Variants in EPHA6 observed in about 807,000 individuals in gnomAD.
The protein encoded by EPHA6 is EPH receptor A6, also known as ephrin type-A receptor 6.
In EPHA6, 50 loss-of-function variants were observed where a neutral mutation model predicts 112.0. The observed-to-expected ratio is 0.45, with a 90% CI of 0.36 to 0.56. EPHA6 has a LOEUF of 0.56. Ranked by LOEUF, EPHA6 falls within the 20% of genes least tolerant of loss-of-function variation. EPHA6 has a pLI of 0.00. For missense variants in EPHA6, 1,280 were observed against 1,417.4 expected, an observed-to-expected ratio of 0.90 and a Z score of 1.56; for synonymous variants, 529 against 490.7, an observed-to-expected ratio of 1.08 and a Z score of -1.03.
intron 11 of EPHA6, among the ~76,000 whole-genome samples, chr3:97,542,086 GTTTTTTTGT>G (rs1297911900): frequency 7.7e-6 from 1 of 129,382 alleles, no homozygotes; most frequent in South Asian, 2.2e-4. Flanking sequence ...GTCGCTTCAT[GTTTTTTTGT>G]TTTTTTTTTT....
intron 3 of EPHA6, among the ~76,000 whole-genome samples, chr3:97,072,573 A>G (rs994608626): frequency 3.9e-5 from 6 of 152,134 alleles, no homozygotes; most frequent in Admixed American, 1.3e-4. Flanking sequence ...CTTACAGTAT[A>G]TGATGGTTTA....
intron 14 of EPHA6, among the ~76,000 whole-genome samples, chr3:97,673,111 G>T (rs1392292665): frequency 6.6e-6 from 1 of 152,130 alleles, no homozygotes; most frequent in Non-Finnish European, 1.5e-5. Flanking sequence ...TTTAAATGAA[G>T]AAACCTCTTT....
At chr3:97,042,454 C>T (rs2045350207) in intron 3 of EPHA6, among the ~76,000 whole-genome samples, 1 of 152,114 alleles carries the variant, frequency 6.6e-6, no homozygotes, top group African/African-American at 2.4e-5. Flanking sequence ...ATTACCCAGT[C>T]TCAGGTATTT....
intron 3 of EPHA6, among the ~76,000 whole-genome samples, chr3:97,040,492 A>AT (rs1309862721): frequency 6.6e-6 from 1 of 152,034 alleles, no homozygotes; most frequent in African/African-American, 2.4e-5. Context: ...GCCATTTTCA[A>AT]TTTATCATGG....
chr3:97,321,768 G>C (rs1222822581), intron 5 of EPHA6, among the ~76,000 whole-genome samples: 2 of 151,980 alleles, frequency 1.3e-5, no homozygotes, highest in African/African-American at 4.8e-5. Context: ...AAAATTGGAA[G>C]AAGAGTCAAC....
At chr3:97,370,038 C>T (rs1349804123) in intron 5 of EPHA6, among the ~76,000 whole-genome samples, 2 of 152,162 alleles carry the variant, frequency 1.3e-5, no homozygotes, top group Non-Finnish European at 2.9e-5. Flanking sequence ...TGTGATTGAT[C>T]TACCTCTGCC....
At chr3:96,981,601 T>G (rs1012443124) in intron 2 of EPHA6, among the ~76,000 whole-genome samples, 1 of 152,212 alleles carries the variant, frequency 6.6e-6, no homozygotes, top group Admixed American at 6.5e-5. Context: ...TCTTTTTCTA[T>G]TGATTGGAAT....
chr3:96,906,867 G>A (rs1021043866), intron 2 of EPHA6, among the ~76,000 whole-genome samples: 3 of 152,036 alleles, frequency 2.0e-5, no homozygotes, highest in Middle Eastern at 3.4e-3. Context: ...ATGAAGAGAG[G>A]ACAAAGGTTT....
At chr3:97,673,624 C>T (rs763073452) in intron 14 of EPHA6, among the ~76,000 whole-genome samples, 6 of 152,142 alleles carry the variant, frequency 3.9e-5, no homozygotes, top group Non-Finnish European at 7.4e-5. Context: ...TTGAGGACAG[C>T]GAACAAGCTT....
intron 5 of EPHA6, among the ~76,000 whole-genome samples, chr3:97,301,194 C>T (rs2108717377): frequency 6.6e-6 from 1 of 152,178 alleles, no homozygotes; most frequent in South Asian, 2.1e-4. Flanking sequence ...ATGAGAAATG[C>T]TAGGTAGGAA....
At chr3:97,586,727 T>TAGACAGAC (rs138628909) in intron 11 of EPHA6, among the ~76,000 whole-genome samples, 9,148 of 151,402 alleles carry the variant, frequency 0.06, 828 homozygotes, top group African/African-American at 0.2. Context: ...GATGGATGGA[T>TAGACAGAC]AGACAGACAG....
intron 5 of EPHA6, among the ~76,000 whole-genome samples, chr3:97,269,369 C>T (rs1050411931): frequency 3.3e-5 from 5 of 152,094 alleles, no homozygotes; most frequent in African/African-American, 1.2e-4. Context: ...CAAAGTGTCC[C>T]TCCCCTTCTC....
At chr3:96,902,756 T>G (rs2038687029) in intron 2 of EPHA6, among the ~76,000 whole-genome samples, 1 of 152,180 alleles carries the variant, frequency 6.6e-6, no homozygotes, top group Non-Finnish European at 1.5e-5. Context: ...CCCTTCCTTT[T>G]AATTTCCTAC....
chr3:97,568,237 T>C (rs2093292654), intron 11 of EPHA6, among the ~76,000 whole-genome samples: 1 of 152,206 alleles, frequency 6.6e-6, no homozygotes, highest in Non-Finnish European at 1.5e-5. Context: ...ATATGCTAAA[T>C]AAATTACATC....
rs202195626 is a variant in EPHA6, at chr3:97,539,103, C to T, written c.2386+6560C>T. 4.0e-3 allele frequency among the ~76,000 whole-genome samples: 334 copies of T among 83,738 alleles called. 2 individuals are homozygous for T. Among genetic ancestry groups the T allele is most frequent in the African/African-American group, 0.013 (238 of 18,076 alleles). The allele number at this position is 83,738 out of a possible 152,430, so 54.9% of individuals were successfully genotyped here. A position where few individuals can be genotyped will look rare whatever the true frequency, so the allele number is the denominator to read the frequency against. On this transcript the variant is annotated intron_variant, in intron 11 of 17. Coordinates refer to ENST00000389672, the MANE Select transcript of EPHA6 (RefSeq NM_001080448.3). ...TCCTTCCTTCCTTCCTTCCTTCCTT[C>T]CTTTCTTTCTTTCTTTCTTTCTTTT...
intron 3 of EPHA6, among the ~76,000 whole-genome samples, chr3:97,030,068 A>G (rs1402223039): frequency 6.6e-6 from 1 of 152,118 alleles, no homozygotes; most frequent in Non-Finnish European, 1.5e-5. Flanking sequence ...TGAGTAGGTT[A>G]TTCTAGTAGT....
chr3:97,551,435 C>T (rs1242714176), intron 11 of EPHA6, among the ~76,000 whole-genome samples: 1 of 152,138 alleles, frequency 6.6e-6, no homozygotes, highest in African/African-American at 2.4e-5. Flanking sequence ...TTTCTCTCAT[C>T]ACAATTGTCA....
At chr3:96,938,979 T>C (rs1451225397) in intron 2 of EPHA6, among the ~76,000 whole-genome samples, 1 of 152,188 alleles carries the variant, frequency 6.6e-6, no homozygotes, top group Admixed American at 6.5e-5. Flanking sequence ...GTGGATAAGC[T>C]TTTTGATGTG....
At chr3:97,721,692 CT>C (rs1377654831) in intron 15 of EPHA6, among the ~76,000 whole-genome samples, 4 of 152,186 alleles carry the variant, frequency 2.6e-5, no homozygotes, top group African/African-American at 9.6e-5. Flanking sequence ...AACACTTAGA[CT>C]TTTTGGATCT....
Sources: allele counts gnomAD v4.1 joint callset (sites outside exome capture counted in the v4.1 genomes callset), GRCh38; gene constraint gnomAD v4.1.1; transcripts MANE v1.5; gene names NCBI Gene and HGNC (gene_info 2026-07-23, HGNC 2026-07-21).